The following CTNNA2 variants were observed in gnomAD, a reference collection of about 807,000 sequenced individuals.
CTNNA2 encodes the protein catenin alpha 2, also known as catenin alpha-2.
In CTNNA2, 42 loss-of-function variants were observed where a neutral mutation model predicts 101.0. That is an observed-to-expected ratio of 0.42 (90% CI 0.32 to 0.54). The LOEUF (loss-of-function observed/expected upper bound fraction) is 0.54. Ranked by LOEUF, CTNNA2 falls within the 20% of genes least tolerant of loss-of-function variation. CTNNA2 has a pLI of 0.14. For synonymous variants in CTNNA2, 450 were observed against 456.4 expected (o/e 0.99, Z 0.18); for missense variants, 871 against 1,223.1 (o/e 0.71, Z 4.29).
rs140765047 is a variant in CTNNA2 at position 80,382,099 on chromosome 2, C to T, written c.1057-11112C>T. Among the ~76,000 whole-genome samples, 44 of 152,220 alleles carry T rather than the reference C, an allele frequency of 2.9e-4. 1 individual carries two copies. Among genetic ancestry groups the T allele is most frequent in the Admixed American group, 1.4e-3 (21 of 15,292 alleles). The stretch of plus-strand genomic sequence containing the variant: ...AGAGTAGGCAACAATATGACTCTAC[C>T]GTTGGTGAAGTCGCAGCGAGCCACC... On this transcript the variant is annotated intron_variant, in intron 7 of 18. Transcript: ENST00000402739.
intron 2 of CTNNA2, chr2:79,687,761 A>G (rs1214432736): frequency 6.2e-6 from 3 of 482,300 alleles, no homozygotes; most frequent in Non-Finnish European, 1.1e-5. Flanking sequence ...AAATGCTGAA[A>G]ATTAACTGAA....
At chr2:79,994,452 G>A (rs981590850) in intron 7 of CTNNA2, among the ~76,000 whole-genome samples, 1 of 152,136 alleles carries the variant, frequency 6.6e-6, no homozygotes, top group East Asian at 1.9e-4. Flanking sequence ...TTCAGAGAGT[G>A]GCTTTTTGAA....
At chr2:79,933,463 T>A (rs1687583393) in intron 7 of CTNNA2, among the ~76,000 whole-genome samples, 1 of 151,942 alleles carries the variant, frequency 6.6e-6, no homozygotes, top group Non-Finnish European at 1.5e-5. Context: ...ATTCTCTTTT[T>A]TTTTTTTTTG....
intron 3 of CTNNA2, among the ~76,000 whole-genome samples, chr2:79,817,041 T>A (rs987279319): frequency 2.0e-5 from 3 of 152,180 alleles, no homozygotes; most frequent in Non-Finnish European, 2.9e-5. Flanking sequence ...CCTGTTTTTT[T>A]AATTATTATT....
intron 7 of CTNNA2, among the ~76,000 whole-genome samples, chr2:80,173,561 C>A (rs931598954): frequency 6.6e-6 from 1 of 152,150 alleles, no homozygotes. Context: ...AATGAAGGGA[C>A]CTTCTCTCCA....
At chr2:80,440,772 G>A (rs773374935) in intron 9 of CTNNA2, among the ~76,000 whole-genome samples, 8 of 152,170 alleles carry the variant, frequency 5.3e-5, no homozygotes, top group Non-Finnish European at 1.0e-4. Flanking sequence ...TCTTTATCCT[G>A]TGACATAAAA....
At chr2:80,014,268 C>T (rs752256186) in intron 7 of CTNNA2, among the ~76,000 whole-genome samples, 24 of 152,050 alleles carry the variant, frequency 1.6e-4, no homozygotes, top group Middle Eastern at 3.4e-3. Flanking sequence ...GCAGAAGCTG[C>T]AGGAGGAAGG....
chr2:79,537,722 A>T (rs1473394546), intron 1 of CTNNA2, among the ~76,000 whole-genome samples: 1 of 152,082 alleles, frequency 6.6e-6, no homozygotes, highest in Non-Finnish European at 1.5e-5. Context: ...TAGACCATAA[A>T]TACTTACCAT....
At position 79,253,343 on chromosome 2, in the gene CTNNA2, A is replaced by G. The variant is rs112138367; in HGVS notation, c.-406+55267A>G. Among the ~76,000 whole-genome samples the G allele has an allele frequency of 9.2e-5, 14 of 152,352 alleles. 1 individual carries two copies. The highest frequency in any genetic ancestry group is 2.6e-4 in the African/African-American group (11 of 41,586). On this transcript the variant is annotated intron_variant, in intron 2 of 21. Transcript: ENST00000466387. ...ACATTGAAAAACACACAGGATTTTT[A>G]TGTATTTGTGCAAATTCTACTAATT...
At chr2:79,876,766 G>C (rs2104081868) in intron 6 of CTNNA2, among the ~76,000 whole-genome samples, 1 of 152,236 alleles carries the variant, frequency 6.6e-6, no homozygotes, top group Admixed American at 6.5e-5. Context: ...AATCAAACTT[G>C]AGGTCATGTG....
chr2:79,411,360 T>G (rs1678407798), intron 4 of CTNNA2, among the ~76,000 whole-genome samples: 1 of 152,060 alleles, frequency 6.6e-6, no homozygotes, highest in South Asian at 2.1e-4. Flanking sequence ...ATGTGTTTGC[T>G]CTTGCTTTTC....
chr2:80,179,188 G>GT (rs1172780434), intron 7 of CTNNA2, among the ~76,000 whole-genome samples: 1 of 152,192 alleles, frequency 6.6e-6, no homozygotes, highest in Non-Finnish European at 1.5e-5. Flanking sequence ...CAAGAGATGT[G>GT]TTAATTTGCT....
At chr2:80,333,069 A>G (rs1671477439) in intron 7 of CTNNA2, among the ~76,000 whole-genome samples, 1 of 152,244 alleles carries the variant, frequency 6.6e-6, no homozygotes, top group Non-Finnish European at 1.5e-5. Context: ...ATTCATTAAA[A>G]TAGAAGAGCA....
In CTNNA2 at chr2:79,523,108, G is replaced by A. The variant is rs576815311; in HGVS notation, c.-6+9901G>A. On this transcript the variant is annotated intron_variant, in intron 1 of 18. Coordinates refer to ENST00000402739, the MANE Select transcript of CTNNA2 (RefSeq NM_001282597.3). Reference sequence around the variant, plus strand: ...ATTATTTTTAACTAAATATATCTAAGCGTTTCCTGCCATAATAAAAATTCT... The same window carrying A: ...ATTATTTTTAACTAAATATATCTAAACGTTTCCTGCCATAATAAAAATTCT... 3.0e-5 allele frequency: 9 copies of A among 302,226 alleles called. No individual in the cohort carries two copies. In the East Asian group the frequency reaches 4.1e-4, roughly 14 times the overall value. 18.7% of individuals were successfully genotyped at this position (302,226 alleles called of 1,614,324 possible). A position where few individuals can be genotyped will look rare whatever the true frequency, so the allele number is the denominator to read the frequency against.
At chr2:79,680,711 T>A (rs1683506474) in intron 2 of CTNNA2, among the ~76,000 whole-genome samples, 1 of 152,222 alleles carries the variant, frequency 6.6e-6, no homozygotes, top group South Asian at 2.1e-4. Flanking sequence ...GCATTCTTGA[T>A]CTAAATGCTT....
Position 80,020,848 on chromosome 2 carries a change from T to C in CTNNA2, c.1056+111051T>C, listed in dbSNP as rs183099940. Among the ~76,000 whole-genome samples, 13 of 152,266 alleles carry C rather than the reference T, an allele frequency of 8.5e-5. No individual in the cohort carries two copies. The East Asian group carries it at 2.3e-3, about 27-fold the overall frequency. On this transcript the variant is annotated intron_variant, in intron 7 of 18. Coordinates refer to ENST00000402739, the MANE Select transcript of CTNNA2 (RefSeq NM_001282597.3). ...GGAAAGCATGAACACAAAGTTTTCC[T>C]TAGTCTATGAACTTTGTTTTGACTT... is the stretch of plus-strand genomic sequence containing the variant.
chr2:80,483,136 A>G (rs1255030546), intron 9 of CTNNA2, among the ~76,000 whole-genome samples: 2 of 152,174 alleles, frequency 1.3e-5, no homozygotes, highest in Non-Finnish European at 2.9e-5. Context: ...AGAGAGTAGC[A>G]TAGCTGAGCT....
At chr2:80,437,093 G>A (rs1346230581) in intron 9 of CTNNA2, among the ~76,000 whole-genome samples, 5 of 152,128 alleles carry the variant, frequency 3.3e-5, no homozygotes, top group Non-Finnish European at 7.3e-5. Flanking sequence ...CACTTAGAAG[G>A]CACCATCTAT....
intron 9 of CTNNA2, among the ~76,000 whole-genome samples, chr2:80,474,236 A>G (rs1685537003): frequency 6.6e-6 from 1 of 152,196 alleles, no homozygotes; most frequent in African/African-American, 2.4e-5. Flanking sequence ...TTTTGTGGAA[A>G]CACTATTCAA....
Sources: allele counts gnomAD v4.1 joint callset (sites outside exome capture counted in the v4.1 genomes callset), GRCh38; gene constraint gnomAD v4.1.1; transcripts MANE v1.5; gene names NCBI Gene and HGNC (gene_info 2026-07-23, HGNC 2026-07-21).